Variants in NTF3 observed in about 807,000 individuals in gnomAD.
NTF3 encodes the protein neurotrophin 3, also known as neurotrophin-3.
Under a neutral mutation model 26.3 loss-of-function variants are expected in NTF3, and 8 were observed. The observed-to-expected ratio is 0.30, with a 90% CI of 0.18 to 0.55. The LOEUF is 0.55. Among genes scored for constraint, NTF3 ranks in the 20% least tolerant of loss-of-function variants. The pLI is 0.93. For synonymous variants in NTF3, 154 were observed against 145.5 expected (o/e 1.06, Z -0.42); for missense variants, 276 against 352.9 (o/e 0.78, Z 1.75).
chr12:5,483,514 C>CATTACA (rs1940832676), intron 1 of NTF3, among the ~76,000 whole-genome samples: 1 of 152,174 alleles, frequency 6.6e-6, no homozygotes, highest in South Asian at 2.1e-4. Context: ...TACAAGATGA[C>CATTACA]GGCTCATCTC....
At chr12:5,486,036 C>T (rs1940862181) in intron 1 of NTF3, among the ~76,000 whole-genome samples, 1 of 152,130 alleles carries the variant, frequency 6.6e-6, no homozygotes, top group South Asian at 2.1e-4. Context: ...CAGACCAGAC[C>T]GCCAATCAAT....
chr12:5,478,588 A>G (rs11063701), intron 1 of NTF3, among the ~76,000 whole-genome samples: 39,836 of 152,020 alleles, frequency 0.26, 5,321 homozygotes, highest in South Asian at 0.34. Flanking sequence ...TAGCCTTTTC[A>G]AAATCAGCTT....
chr12:5,435,254 A>G (rs1415783176), intron 1 of NTF3, among the ~76,000 whole-genome samples: 5 of 152,218 alleles, frequency 3.3e-5, no homozygotes, highest in Admixed American at 2.6e-4. Flanking sequence ...GTTCATATTG[A>G]TAATCAATTA....
chr12:5,488,282 C>G (rs946723438), intron 1 of NTF3, among the ~76,000 whole-genome samples: 1 of 152,188 alleles, frequency 6.6e-6, no homozygotes, highest in African/African-American at 2.4e-5. Flanking sequence ...AGGTTGCCAA[C>G]CCCCACGGGT....
intron 1 of NTF3, among the ~76,000 whole-genome samples, chr12:5,488,539 G>T (rs1042474569): frequency 3.9e-5 from 6 of 152,154 alleles, no homozygotes; most frequent in Non-Finnish European, 8.8e-5. Context: ...GAGGCCTCAA[G>T]ACCTATGTTC....
chr12:5,442,693 C>T lies in NTF3; in HGVS notation c.18+10351C>T, dbSNP rs143117340. ...AGATCCGGACACCAGGAGAAACAGA[C>T]GTGGAGTCCTATTTAGTAATTTTTT... On this transcript the variant is annotated intron_variant, in intron 1 of 1. Coordinates refer to ENST00000423158, the MANE Select transcript of NTF3 (RefSeq NM_001102654.2). 4.1e-3 allele frequency among the ~76,000 whole-genome samples: 630 copies of T among 152,242 alleles called. 3 individuals carry two copies. Among genetic ancestry groups the T allele is most frequent in the African/African-American group, 0.013 (557 of 41,534 alleles).
chr12:5,453,425 A>G (rs1454374023), intron 1 of NTF3, among the ~76,000 whole-genome samples: 1 of 151,952 alleles, frequency 6.6e-6, no homozygotes, highest in Non-Finnish European at 1.5e-5. Flanking sequence ...TGGCTTCCAG[A>G]TCTGCCCACA....
intron 1 of NTF3, among the ~76,000 whole-genome samples, chr12:5,471,585 C>G (rs1378987075): frequency 6.6e-6 from 1 of 151,482 alleles, no homozygotes; most frequent in Non-Finnish European, 1.5e-5. Flanking sequence ...CTTTCTGTGT[C>G]TGTGCGTTTA....
chr12:5,481,639 A>ACT (rs1940801896), intron 1 of NTF3, among the ~76,000 whole-genome samples: 1 of 102,784 alleles, frequency 9.7e-6, no homozygotes, highest in Admixed American at 9.4e-5. Flanking sequence ...ATGCACACAT[A>ACT]CAGATATACT....
intron 1 of NTF3, among the ~76,000 whole-genome samples, chr12:5,459,900 A>G (rs1352165317): frequency 1.3e-5 from 2 of 151,992 alleles, no homozygotes; most frequent in African/African-American, 4.8e-5. Flanking sequence ...GCTCGTCCTC[A>G]TTTGCAAATT....
At chr12:5,478,846 C>T (rs1940754866) in intron 1 of NTF3, among the ~76,000 whole-genome samples, 2 of 152,322 alleles carry the variant, frequency 1.3e-5, no homozygotes, top group South Asian at 4.1e-4. Context: ...CTCATTGTCC[C>T]CTACTGTATG....
At chr12:5,455,781 C>T (rs937049430) in intron 1 of NTF3, among the ~76,000 whole-genome samples, 4 of 152,152 alleles carry the variant, frequency 2.6e-5, no homozygotes, top group Non-Finnish European at 4.4e-5. Flanking sequence ...GTTGCTGACT[C>T]CAAGATGCTG....
intron 1 of NTF3, among the ~76,000 whole-genome samples, chr12:5,448,838 C>A (rs972648635): frequency 6.6e-6 from 1 of 152,188 alleles, no homozygotes; most frequent in Non-Finnish European, 1.5e-5. Flanking sequence ...CAGCATGCTT[C>A]ATTTATCTAA....
intron 1 of NTF3, among the ~76,000 whole-genome samples, chr12:5,470,589 A>G (rs550302613): frequency 3.9e-5 from 6 of 152,114 alleles, no homozygotes; most frequent in Non-Finnish European, 7.4e-5. Context: ...TCTTCTTCCC[A>G]TGGCTGCAGG....
At chr12:5,440,493 C>T (rs1565383748) in intron 1 of NTF3, among the ~76,000 whole-genome samples, 1 of 152,148 alleles carries the variant, frequency 6.6e-6, no homozygotes, top group Non-Finnish European at 1.5e-5. Flanking sequence ...AGTTTCATCC[C>T]ACATCTAGAG....
At chr12:5,493,249 A>C (rs1475468950) in intron 1 of NTF3, among the ~76,000 whole-genome samples, 1 of 152,254 alleles carries the variant, frequency 6.6e-6, no homozygotes, top group Admixed American at 6.5e-5. Context: ...TTAAGCTTCT[A>C]CTATGGCAAC....
At position 5,456,570 on chromosome 12, in the gene NTF3, T is replaced by C. The variant is rs956163820; in HGVS notation, c.18+24228T>C. On this transcript the variant is annotated intron_variant, in intron 1 of 1. Coordinates refer to ENST00000423158, the MANE Select transcript of NTF3 (RefSeq NM_001102654.2). The surrounding 1 kb of genome is among the most constrained non-coding windows in gnomAD (Gnocchi z 4.4). The stretch of plus-strand genomic sequence containing the variant: ...AGGAGAGAAAGGGTCTGCATTCTGT[T>C]TGCAGCCCTGATCGTGAGCTCTGGG... Among the ~76,000 whole-genome samples, 1 of 152,016 alleles carries C rather than the reference T, an allele frequency of 6.6e-6. No individual in the cohort carries two copies. Among genetic ancestry groups the C allele is most frequent in the African/African-American group, 2.4e-5 (1 of 41,392 alleles).
Position 5,455,691 on chromosome 12 carries a change from T to G in NTF3, c.18+23349T>G, listed in dbSNP as rs150258492. 2.0e-3 allele frequency among the ~76,000 whole-genome samples: 300 copies of G among 152,210 alleles called. 3 individuals carry two copies. Among genetic ancestry groups the G allele is most frequent in the African/African-American group, 7.0e-3 (291 of 41,518 alleles). Reference sequence around the variant, plus strand: ...AAGTTCTATTCCCTGTTTAGATGGGTGCTGGGGACAATGGAAAGGAGGTGT... The same window carrying G: ...AAGTTCTATTCCCTGTTTAGATGGGGGCTGGGGACAATGGAAAGGAGGTGT... On this transcript the variant is annotated intron_variant, in intron 1 of 1. Transcript: ENST00000423158.
At chr12:5,454,801 G>A (rs1479903304) in intron 1 of NTF3, among the ~76,000 whole-genome samples, 1 of 152,236 alleles carries the variant, frequency 6.6e-6, no homozygotes, top group Non-Finnish European at 1.5e-5. Flanking sequence ...GGAGTAGATG[G>A]AGGGTCTTGG....
Sources: allele counts gnomAD v4.1 joint callset (sites outside exome capture counted in the v4.1 genomes callset), GRCh38; gene constraint gnomAD v4.1.1; non-coding constraint Gnocchi (gnomAD v3.1); transcripts MANE v1.5; gene names NCBI Gene and HGNC (gene_info 2026-07-23, HGNC 2026-07-21).